The following TSPAN9 variants were observed in gnomAD, a reference collection of about 807,000 sequenced individuals.
TSPAN9 encodes tetraspanin-9.
In TSPAN9, 16 loss-of-function variants were observed where a neutral mutation model predicts 31.0. The observed-to-expected ratio is 0.52, with a 90% CI of 0.35 to 0.78. The LOEUF (loss-of-function observed/expected upper bound fraction) is 0.78. Among genes scored for constraint, TSPAN9 ranks in the 30% least tolerant of loss-of-function variants. TSPAN9 has a pLI of 0.01. For synonymous variants in TSPAN9, 145 were observed against 121.6 expected, an observed-to-expected ratio of 1.19 and a Z score of -1.27; for missense variants, 272 against 312.5, an observed-to-expected ratio of 0.87 and a Z score of 0.98.
chr12:3,102,720 A>C (rs2098312440), intron 2 of TSPAN9, among the ~76,000 whole-genome samples: 1 of 152,238 alleles, frequency 6.6e-6, no homozygotes, highest in African/African-American at 2.4e-5. Flanking sequence ...TACAGGCGTG[A>C]GCCACTGCGC....
intron 1 of TSPAN9, among the ~76,000 whole-genome samples, chr12:3,083,237 C>T (rs1188464135): frequency 6.6e-6 from 1 of 152,226 alleles, no homozygotes; most frequent in Non-Finnish European, 1.5e-5. Flanking sequence ...GATGCAAACA[C>T]ATCTCAGTGA....
At chr12:3,210,039 G>C (rs1156486748) in intron 3 of TSPAN9, among the ~76,000 whole-genome samples, 1 of 149,386 alleles carries the variant, frequency 6.7e-6, no homozygotes, top group Non-Finnish European at 1.5e-5. Context: ...GGGAGGCTGA[G>C]GCAGGAGAAT....
intron 3 of TSPAN9, among the ~76,000 whole-genome samples, chr12:3,239,250 T>C (rs750482954): frequency 5.3e-5 from 8 of 151,086 alleles, no homozygotes; most frequent in Non-Finnish European, 1.0e-4. Context: ...CTGTTCTCTG[T>C]TGTCACGTTC....
intron 2 of TSPAN9, among the ~76,000 whole-genome samples, chr12:3,123,789 T>A (rs2098326191): frequency 6.6e-6 from 1 of 152,178 alleles, no homozygotes; most frequent in Non-Finnish European, 1.5e-5. Flanking sequence ...TCCAAGAGGC[T>A]AGGGAGCTTG....
At chr12:3,154,940 C>G (rs1487978291) in intron 2 of TSPAN9, among the ~76,000 whole-genome samples, 3 of 152,170 alleles carry the variant, frequency 2.0e-5, no homozygotes, top group Non-Finnish European at 4.4e-5. Context: ...CAGACATGAT[C>G]TAGCTAGGAC....
At chr12:3,254,415 G>A (rs139597737) in intron 3 of TSPAN9, among the ~76,000 whole-genome samples, 3 of 152,282 alleles carry the variant, frequency 2.0e-5, no homozygotes, top group African/African-American at 7.2e-5. Context: ...AAATGGACGC[G>A]AGTGCCCAGC....
At chr12:3,167,212 G>C (rs1221638607) in intron 2 of TSPAN9, among the ~76,000 whole-genome samples, 1 of 152,194 alleles carries the variant, frequency 6.6e-6, no homozygotes, top group Middle Eastern at 3.2e-3. Flanking sequence ...AGTGGCTGTA[G>C]TTCATTGATG....
At chr12:3,270,488 C>CA (rs1862654351) in intron 3 of TSPAN9, among the ~76,000 whole-genome samples, 1 of 152,234 alleles carries the variant, frequency 6.6e-6, no homozygotes, top group Admixed American at 6.5e-5. Flanking sequence ...TCCCTGCTCC[C>CA]AGGGCTATAC....
intron 3 of TSPAN9, among the ~76,000 whole-genome samples, chr12:3,257,776 T>TGGGGGGGGGGGGGGGGGGGG (rs1862376395): frequency 4.5e-5 from 1 of 22,424 alleles, no homozygotes; most frequent in Non-Finnish European, 1.1e-4. Flanking sequence ...GCGGGAGGGG[T>TGGGGGGGGGGGGGGGGGGGG]AGGGGGGCGG....
chr12:3,201,022 C>T (rs71577819), intron 2 of TSPAN9, 155 bp from the exon 3 acceptor site: 9 of 642,198 alleles, frequency 1.4e-5, no homozygotes, highest in African/African-American at 1.8e-5. Flanking sequence ...GCCGCCCGTT[C>T]GGCCGCGGCT....
intron 2 of TSPAN9, among the ~76,000 whole-genome samples, chr12:3,176,216 C>G (rs891451899): frequency 6.6e-6 from 1 of 152,164 alleles, no homozygotes; most frequent in Non-Finnish European, 1.5e-5. Context: ...GTCTCAGCAT[C>G]GAGCCTTACG....
At chr12:3,220,663 T>A (rs999948363) in intron 3 of TSPAN9, among the ~76,000 whole-genome samples, 8 of 152,194 alleles carry the variant, frequency 5.3e-5, no homozygotes, top group African/African-American at 1.9e-4. Flanking sequence ...GGAGGCTTAG[T>A]CCTGCTGCCC....
intron 2 of TSPAN9, among the ~76,000 whole-genome samples, chr12:3,186,236 A>G (rs757085852): frequency 6.6e-6 from 1 of 152,224 alleles, no homozygotes; most frequent in Non-Finnish European, 1.5e-5. Flanking sequence ...ACATTCTTTC[A>G]AAAATACTTA....
rs7965547 is a variant in TSPAN9 at position 3,184,242 on chromosome 12, A to G, written c.-17-16935A>G. On this transcript the variant is annotated intron_variant, in intron 2 of 8. Transcript: ENST00000011898. ...GCAAAATCCCATCTCTAGAAAAAAT[A>G]CAAAAATTAGCTGGGCGTGGTGGTG... 4.3e-3 allele frequency among the ~76,000 whole-genome samples: 662 copies of G among 152,246 alleles called. 4 individuals are homozygous for G. Among genetic ancestry groups the G allele is most frequent in the African/African-American group, 0.015 (636 of 41,560 alleles).
rs1041390629 is a variant in TSPAN9 at position 3,192,652 on chromosome 12, G to C, written c.-17-8525G>C. On this transcript the variant is annotated intron_variant, in intron 2 of 8. Transcript: ENST00000011898. The surrounding 1 kb of genome is among the most constrained non-coding windows in gnomAD (Gnocchi z 4.6). ...GATGACAAGCAGGAGTTGGGGACCT[G>C]TGCTTGGGGCTCAGGAGACAAGTCA... Among the ~76,000 whole-genome samples the C allele has an allele frequency of 1.3e-5, 2 of 152,124 alleles. No homozygotes were observed. Among genetic ancestry groups the C allele is most frequent in the African/African-American group, 4.8e-5 (2 of 41,422 alleles).
chr12:3,282,468 G>A (rs568515989), intron 8 of TSPAN9, among the ~76,000 whole-genome samples: 2 of 152,002 alleles, frequency 1.3e-5, no homozygotes, highest in East Asian at 1.9e-4. Context: ...GTCATAGCTC[G>A]CTGCAGCCAC....
intron 3 of TSPAN9, among the ~76,000 whole-genome samples, chr12:3,277,303 T>C (rs1309194347): frequency 1.3e-5 from 2 of 152,196 alleles, no homozygotes; most frequent in African/African-American, 2.4e-5. Flanking sequence ...CATCTGCCCC[T>C]AGTCCACCCA....
intron 3 of TSPAN9, among the ~76,000 whole-genome samples, chr12:3,271,682 A>T (rs1862681265): frequency 6.6e-6 from 1 of 152,080 alleles, no homozygotes; most frequent in African/African-American, 2.4e-5. Flanking sequence ...TTCAGCAAAG[A>T]TGTGTCTGTG....
chr12:3,259,061 G>A (rs1307598928), intron 3 of TSPAN9, among the ~76,000 whole-genome samples: 1 of 152,168 alleles, frequency 6.6e-6, no homozygotes, highest in African/African-American at 2.4e-5. Flanking sequence ...TTACATGAAT[G>A]TCCACTCTGT....
Sources: allele counts gnomAD v4.1 joint callset (sites outside exome capture counted in the v4.1 genomes callset), GRCh38; gene constraint gnomAD v4.1.1; non-coding constraint Gnocchi (gnomAD v3.1); transcripts MANE v1.5; gene names NCBI Gene and HGNC (gene_info 2026-07-23, HGNC 2026-07-21).